The following CFAP77 variants were observed in gnomAD, a reference collection of about 807,000 sequenced individuals.
CFAP77 encodes the protein cilia and flagella associated protein 77, also known as cilia- and flagella-associated protein 77.
In CFAP77, 25 loss-of-function variants were observed where a neutral mutation model predicts 31.1. The observed-to-expected ratio is 0.80, with a 90% CI of 0.59 to 1.12. The LOEUF is 1.12. CFAP77 is among the 50% of genes most tolerant of loss of function. The pLI, the probability that CFAP77 is intolerant of heterozygous loss-of-function variation, is 0.00. For missense variants in CFAP77, 377 were observed against 397.3 expected (o/e 0.95, Z 0.44); for synonymous variants, 151 against 159.9 (o/e 0.94, Z 0.42).
At position 132,554,939 on chromosome 9, in the gene CFAP77, C is replaced by CCCATCCATCCAT. The variant is rs113226727; in HGVS notation, c.732+11931_732+11942dup. Among the ~76,000 whole-genome samples, 385 of 146,682 alleles carry CCCATCCATCCAT rather than the reference C, an allele frequency of 2.6e-3. 1 individual carries two copies. Among genetic ancestry groups the CCCATCCATCCAT allele is most frequent in the African/African-American group, 7.3e-3 (288 of 39,444 alleles). On this transcript the variant is annotated intron_variant, in intron 5 of 5. Coordinates refer to ENST00000393216, the MANE Select transcript of CFAP77 (RefSeq NM_001282957.2). This position sits in a 1 kb window ranked among gnomAD's most constrained non-coding sequence, Gnocchi z 4.1. Reference sequence around the variant, plus strand: ...ATGCATGCATGCATCCATCCATCCACCCATCCATCCATCCATCCATCCATC... The same window carrying CCCATCCATCCAT: ...ATGCATGCATGCATCCATCCATCCACCCATCCATCCATCCATCCATCCATCCATCCATCCATC...
chr9:132,416,421 A>G, intron 1 of CFAP77, among the ~76,000 whole-genome samples: 1 of 139,188 alleles, frequency 7.2e-6, no homozygotes, highest in Non-Finnish European at 1.5e-5. Context: ...GCTTACCACA[A>G]CCTCCGCCTC....
intron 5 of CFAP77, among the ~76,000 whole-genome samples, chr9:132,561,652 CACACACA>C (rs1564253307): frequency 4.9e-5 from 5 of 102,758 alleles, no homozygotes; most frequent in Non-Finnish European, 5.3e-5. Flanking sequence ...CACACACACA[CACACACA>C]CACCCCCTCC....
intron 1 of CFAP77, among the ~76,000 whole-genome samples, chr9:132,459,495 G>A (rs1182237919): frequency 6.6e-6 from 1 of 151,104 alleles, no homozygotes; most frequent in African/African-American, 2.4e-5. Context: ...GTATATATGT[G>A]TGTATATGTA....
intron 5 of CFAP77, among the ~76,000 whole-genome samples, chr9:132,569,226 C>A (rs998494064): frequency 1.6e-4 from 25 of 152,000 alleles, no homozygotes; most frequent in Admixed American, 1.4e-3. Context: ...CATATTGAGA[C>A]CCTCCCCCCA....
chr9:132,474,391 C>T (rs1210058626), intron 1 of CFAP77, among the ~76,000 whole-genome samples: 1 of 152,188 alleles, frequency 6.6e-6, no homozygotes, highest in African/African-American at 2.4e-5. Context: ...ACTGCGACTC[C>T]GGATCCCTTC....
chr9:132,426,088 CAG>C (rs971286136), intron 1 of CFAP77, among the ~76,000 whole-genome samples: 5 of 152,180 alleles, frequency 3.3e-5, no homozygotes, highest in African/African-American at 9.7e-5. Flanking sequence ...GCTTCTAAAA[CAG>C]AGAGAATCAA....
intron 1 of CFAP77, among the ~76,000 whole-genome samples, chr9:132,441,144 TAA>T (rs1331371487): frequency 4.6e-5 from 7 of 152,192 alleles, no homozygotes; most frequent in Non-Finnish European, 7.3e-5. Flanking sequence ...GTTTTCAAAG[TAA>T]AGTGTTGAGA....
At chr9:132,421,822 A>G (rs1850221450) in intron 1 of CFAP77, 1 of 152,218 alleles carries the variant, frequency 6.6e-6, no homozygotes, top group Admixed American at 6.5e-5. Flanking sequence ...TCTACTGCAC[A>G]CTCTCATTGG....
At chr9:132,477,187 C>T (rs185173773) in intron 1 of CFAP77, among the ~76,000 whole-genome samples, 40 of 152,208 alleles carry the variant, frequency 2.6e-4, no homozygotes, top group Admixed American at 2.6e-3. Flanking sequence ...CTGAGCTCTG[C>T]CTCTGGCGAT....
intron 3 of CFAP77, among the ~76,000 whole-genome samples, chr9:132,502,647 G>A (rs546238540): frequency 2.6e-5 from 4 of 152,260 alleles, no homozygotes; most frequent in East Asian, 3.9e-4. Flanking sequence ...GTTATAGCAC[G>A]CATGTGAATT....
intron 5 of CFAP77, among the ~76,000 whole-genome samples, chr9:132,567,273 G>C (rs982725604): frequency 2.6e-5 from 4 of 152,206 alleles, no homozygotes; most frequent in African/African-American, 9.7e-5. Flanking sequence ...ATGGAACTTG[G>C]AACTCTGAAG....
intron 1 of CFAP77, among the ~76,000 whole-genome samples, chr9:132,479,507 G>A (rs1851410807): frequency 6.6e-6 from 1 of 152,220 alleles, no homozygotes; most frequent in Non-Finnish European, 1.5e-5. Context: ...TGGCGTTCTT[G>A]AAATACTCTT....
At chr9:132,442,729 A>G (rs1019114920) in intron 1 of CFAP77, among the ~76,000 whole-genome samples, 1 of 150,622 alleles carries the variant, frequency 6.6e-6, no homozygotes, top group African/African-American at 2.4e-5. Context: ...TTTTGTAGAG[A>G]TGGGATCTTG....
Position 132,415,893 on chromosome 9 carries a change from CT to C in CFAP77, c.195+5430del, listed in dbSNP as rs200764342. ...CAAACAGCCTTTTAAGAAAATGCAT[CT>C]TTATATTTAAAGTTTAATAAAAACA... On this transcript the variant is annotated intron_variant, in intron 1 of 5. Transcript: ENST00000393216. Among the ~76,000 whole-genome samples the C allele has an allele frequency of 2.0e-5, 3 of 152,092 alleles. No homozygotes were observed. The East Asian group carries it at 5.8e-4, about 29-fold the overall frequency.
intron 1 of CFAP77, among the ~76,000 whole-genome samples, chr9:132,444,974 C>CT (rs564127221): frequency 0.15 from 19,545 of 133,760 alleles, 2,010 homozygotes; most frequent in East Asian, 0.28. Flanking sequence ...TTCTTTCTTT[C>CT]TTTTTTTTTT....
At chr9:132,513,249 T>C (rs1412450115) in intron 3 of CFAP77, 8 of 1,546,246 alleles carry the variant, frequency 5.2e-6, no homozygotes, top group Middle Eastern at 1.7e-4. Context: ...CTTTCTTTTG[T>C]GTTTATTAGA....
chr9:132,424,764 C>T lies in CFAP77; in HGVS notation c.195+14298C>T, dbSNP rs892064280. 1.3e-5 allele frequency among the ~76,000 whole-genome samples: 2 copies of T among 152,194 alleles called. No individual in the cohort carries two copies. The highest frequency in any genetic ancestry group is 4.8e-5 in the African/African-American group (2 of 41,456). On this transcript the variant is annotated intron_variant, in intron 1 of 5. Transcript: ENST00000393216. The surrounding 1 kb of genome is among the most constrained non-coding windows in gnomAD (Gnocchi z 4.1). ...TGGATTTCAGGTTATTCCAAACGTG[C>T]GCATCTGCCGGCCAGGGAGCCAGGA...
At chr9:132,440,338 AAAT>A (rs961837523) in intron 1 of CFAP77, among the ~76,000 whole-genome samples, 16 of 151,806 alleles carry the variant, frequency 1.1e-4, no homozygotes, top group African/African-American at 3.6e-4. Flanking sequence ...CCCTGTCTCA[AAAT>A]AATAATAATA....
At chr9:132,458,357 G>GGT (rs1554738862) in intron 1 of CFAP77, among the ~76,000 whole-genome samples, 4,590 of 118,436 alleles carry the variant, frequency 0.039, 370 homozygotes, top group African/African-American at 0.12. Context: ...GAGGGGGGGG[G>GGT]GTGTGTATGG....
Sources: allele counts gnomAD v4.1 joint callset (sites outside exome capture counted in the v4.1 genomes callset), GRCh38; gene constraint gnomAD v4.1.1; non-coding constraint Gnocchi (gnomAD v3.1); transcripts MANE v1.5; gene names NCBI Gene and HGNC (gene_info 2026-07-23, HGNC 2026-07-21).